Variants in ZRANB1 observed in about 807,000 individuals in gnomAD.
The protein encoded by ZRANB1 is zinc finger RANBP2-type containing 1.
A neutral mutation model predicts 80.5 loss-of-function variants in ZRANB1; 16 were observed. That is an observed-to-expected ratio of 0.20 (90% CI 0.13 to 0.30). The LOEUF is 0.30. ZRANB1 is among the 10% of genes least tolerant of loss of function. The pLI, the probability that ZRANB1 is intolerant of heterozygous loss-of-function variation, is 1.00. For missense variants in ZRANB1, 576 were observed against 862.6 expected (o/e 0.67, Z 4.16); for synonymous variants, 291 against 293.1 (o/e 0.99, Z 0.07).
intron 1 of ZRANB1, among the ~76,000 whole-genome samples, chr10:124,944,592 C>T (rs902622965): frequency 6.7e-6 from 1 of 148,802 alleles, no homozygotes; most frequent in Admixed American, 6.8e-5. Context: ...TTCAAGTGAC[C>T]TGCCATCTCA....
chr10:124,949,523 A>AC (rs531718406), intron 1 of ZRANB1, among the ~76,000 whole-genome samples: 354 of 116,830 alleles, frequency 3.0e-3, no homozygotes, highest in African/African-American at 9.7e-3. Flanking sequence ...ACACACACAC[A>AC]TTTTTTTTTT....
intron 2 of ZRANB1, among the ~76,000 whole-genome samples, chr10:124,970,451 A>G (rs1179578435): frequency 6.6e-6 from 1 of 151,968 alleles, no homozygotes; most frequent in Non-Finnish European, 1.5e-5. Context: ...TTGTAGAGGC[A>G]GAGTTTCATT....
intron 2 of ZRANB1, 78 bp downstream of exon 2, chr10:124,966,859 T>C: frequency 7.3e-7 from 1 of 1,361,424 alleles, no homozygotes; most frequent in Non-Finnish European, 1.0e-6. Context: ...GATTTTATAA[T>C]GTTTCTCTAA....
rs182310257 is a variant in ZRANB1, at chr10:124,973,357, G to A, written c.1157-288G>A. ...TTTTGTATAGAGACAGGGTTTTGCC[G>A]TGTTGCCCAGGCTGGGCTCAGAATC... On this transcript the variant is annotated intron_variant, in intron 3 of 8. Coordinates refer to ENST00000359653, the MANE Select transcript of ZRANB1 (RefSeq NM_017580.3). Among the ~76,000 whole-genome samples the A allele has an allele frequency of 1.1e-3, 171 of 151,912 alleles. 1 individual carries two copies. Among genetic ancestry groups the A allele is most frequent in the Non-Finnish European group, 1.9e-3 (129 of 67,956 alleles).
the ZRANB1 span, among the ~76,000 whole-genome samples, chr10:124,922,332 ATATATTTTTT>A: frequency 8.1e-5 from 3 of 37,136 alleles, no homozygotes; most frequent in Non-Finnish European, 9.8e-5. Context: ...ATATGTATAT[ATATATTTTTT>A]TTTTAATAGG....
In ZRANB1 at chr10:124,972,189, A is replaced by G. The variant is rs1390745748; in HGVS notation, c.1156+71A>G. ...GTTACATTTGTGTATGTAGGTGAAA[A>G]ATGTTTCTGTTAGAAAGCACATAAC... On this transcript the variant is annotated intron_variant, in intron 3 of 8. Coordinates refer to ENST00000359653, the MANE Select transcript of ZRANB1 (RefSeq NM_017580.3). 8 of 1,496,240 alleles carry G rather than the reference A, an allele frequency of 5.3e-6. No individual in the cohort carries two copies. In the Admixed American group the frequency reaches 7.7e-5, roughly 14 times the overall value. 92.7% of individuals were successfully genotyped at this position (1,496,240 alleles called of 1,614,324 possible). A position where few individuals can be genotyped will look rare whatever the true frequency, so the allele number is the denominator to read the frequency against.
the ZRANB1 span, among the ~76,000 whole-genome samples, chr10:124,922,281 AATATAT>A: frequency 1.1e-4 from 10 of 87,456 alleles, no homozygotes; most frequent in Admixed American, 7.9e-4. Context: ...ATATATGTAA[AATATAT>A]ATATATATGT....
intron 5 of ZRANB1, among the ~76,000 whole-genome samples, chr10:124,977,711 GAA>G (rs752296814): frequency 9.0e-4 from 44 of 48,718 alleles, no homozygotes; most frequent in East Asian, 3.1e-3. Flanking sequence ...ACCCTGCTAA[GAA>G]AAAAAAAAAA....
intron 5 of ZRANB1, among the ~76,000 whole-genome samples, chr10:124,974,693 G>GC (rs1951859944): frequency 1.3e-5 from 2 of 152,154 alleles, no homozygotes; most frequent in South Asian, 4.1e-4. Flanking sequence ...TAAGACACAG[G>GC]CAGTATATTT....
rs1201253364 is a variant in ZRANB1, at chr10:124,987,632, G to A, written c.*2640G>A. 2 of 152,110 alleles carry A rather than the reference G, an allele frequency of 1.3e-5. No individual in the cohort carries two copies. Among genetic ancestry groups the A allele is most frequent in the African/African-American group, 2.4e-5 (1 of 41,408 alleles). 9.4% of individuals were successfully genotyped at this position (152,110 alleles called of 1,614,324 possible). ...TAATAGGTCAGTAACTATGAGCGCC[G>A]TCTCTCTCCATGTGAGCTTGTGTTA... is the stretch of plus-strand genomic sequence containing the variant. On this transcript the variant is annotated 3_prime_UTR_variant, in exon 9 of 9. Coordinates refer to ENST00000359653, the MANE Select transcript of ZRANB1 (RefSeq NM_017580.3).
chr10:124,972,650 A>G (rs149546473), intron 3 of ZRANB1, among the ~76,000 whole-genome samples: 36 of 152,342 alleles, frequency 2.4e-4, no homozygotes, highest in South Asian at 4.1e-4. Context: ...TCATTTTTCA[A>G]TTCATTGACA....
chr10:124,941,751 A>G (rs574704206), upstream of ZRANB1, among the ~76,000 whole-genome samples: 1 of 152,216 alleles, frequency 6.6e-6, no homozygotes, highest in Non-Finnish European at 1.5e-5. Context: ...TGGTTATTTC[A>G]GTGACCTTCC....
chr10:124,948,990 G>T (rs185139125), intron 1 of ZRANB1, among the ~76,000 whole-genome samples: 16 of 152,290 alleles, frequency 1.1e-4, no homozygotes, highest in African/African-American at 2.9e-4. Context: ...CTCAACCCAG[G>T]AGAGCCAGTT....
the ZRANB1 span, among the ~76,000 whole-genome samples, chr10:124,927,554 T>A: frequency 6.6e-6 from 1 of 152,224 alleles, no homozygotes; most frequent in Non-Finnish European, 1.5e-5. Context: ...ACTAAACTTT[T>A]TGTGGAATAC....
chr10:124,948,738 C>G (rs762601004), intron 1 of ZRANB1, among the ~76,000 whole-genome samples: 1 of 152,132 alleles, frequency 6.6e-6, no homozygotes, highest in Non-Finnish European at 1.5e-5. Flanking sequence ...TTATTTGTCT[C>G]TCTCTACTCT....
chr10:124,981,809 A>C lies in ZRANB1; in HGVS notation c.1528A>C (p.Ile510Leu). ...EEQWQEDWAF[I>L]LSLASQPGAS... ...ACAGTGGCAAGAAGACTGGGCATTT[A>C]TACTCTCTCTTGCTAGTCAGGTGAG... Residue 510 changes from isoleucine to leucine, a missense_variant, in exon 6 of 9, where the codon ATA becomes CTA. Ile to Leu is a conservative substitution (Grantham distance 5, BLOSUM62 2). This residue lies in a region of ZRANB1 where 13 missense variants were observed against 57.6 expected (regional missense o/e 0.23). Coordinates refer to ENST00000359653, the MANE Select transcript of ZRANB1 (RefSeq NM_017580.3). 1.2e-6 allele frequency: 2 copies of C among 1,613,726 alleles called. No individual in the cohort carries two copies. The highest frequency in any genetic ancestry group is 1.7e-6 in the Non-Finnish European group (2 of 1,179,856).
the ZRANB1 span, among the ~76,000 whole-genome samples, chr10:124,931,716 T>C: frequency 6.6e-6 from 1 of 152,160 alleles, no homozygotes; most frequent in Non-Finnish European, 1.5e-5. Context: ...CACAACAAAA[T>C]TGAGCAGAAA....
chr10:124,933,241 A>G, the ZRANB1 span, among the ~76,000 whole-genome samples: 1 of 146,082 alleles, frequency 6.8e-6, no homozygotes, highest in Non-Finnish European at 1.5e-5. Flanking sequence ...GGTTCAAGCG[A>G]TTCTCCTGCC....
At chr10:124,933,024 G>A in the ZRANB1 span, among the ~76,000 whole-genome samples, 2 of 151,972 alleles carry the variant, frequency 1.3e-5, no homozygotes, top group Admixed American at 1.3e-4. Context: ...CTTATCTTTT[G>A]CAAATTTTTT....
Sources: gnomAD v4.1 joint callset for allele counts (sites outside exome capture counted in the v4.1 genomes callset) on GRCh38, gnomAD v4.1.1 for gene constraint, gnomAD v4.1.1 regional missense constraint, MANE v1.5 for transcripts, NCBI Gene and HGNC (gene_info 2026-07-23, HGNC 2026-07-21) for gene names.